B3GAT2: variants seen among roughly 807,000 people sequenced by gnomAD.
B3GAT2 encodes the protein beta-1,3-glucuronyltransferase 2, also known as galactosylgalactosylxylosylprotein 3-beta-glucuronosyltransferase 2.
Under a neutral mutation model 27.8 loss-of-function variants are expected in B3GAT2, and 26 were observed. The ratio of observed to expected loss-of-function variants is 0.93; its 90% confidence interval spans 0.68 to 1.30. The LOEUF (loss-of-function observed/expected upper bound fraction) is 1.30. Among genes scored for constraint, B3GAT2 ranks in the 50% most tolerant of loss-of-function variants. The pLI is 0.00. For missense variants in B3GAT2, 458 were observed against 459.0 expected (o/e 1.00, Z 0.02); for synonymous variants, 218 against 195.1 (o/e 1.12, Z -0.98).
Position 70,860,517 on chromosome 6 carries a change from A to C in B3GAT2, c.*1146T>G, listed in dbSNP as rs1404328269. 11 of 576,698 alleles carry C rather than the reference A, an allele frequency of 1.9e-5. No homozygotes were observed. The highest frequency in any genetic ancestry group is 2.9e-5 in the Non-Finnish European group (11 of 377,910). 35.7% of individuals were successfully genotyped at this position (576,698 alleles called of 1,614,324 possible). On this transcript the variant is annotated 3_prime_UTR_variant, in exon 4 of 4. Coordinates refer to ENST00000230053, the MANE Select transcript of B3GAT2 (RefSeq NM_080742.3). ...ATTTGATGTGGTGAAAAGCAGGTTGATAAATCATTTTATGTCAAGGGCAGC... is the reference window on the plus strand; with the variant it reads ...ATTTGATGTGGTGAAAAGCAGGTTGCTAAATCATTTTATGTCAAGGGCAGC...
intron 1 of B3GAT2, among the ~76,000 whole-genome samples, chr6:70,906,514 A>AT (rs1228328107): frequency 6.6e-6 from 1 of 151,358 alleles, no homozygotes; most frequent in African/African-American, 2.4e-5. Flanking sequence ...CTAATTTTTT[A>AT]TTTTTTGTAG....
intron 1 of B3GAT2, among the ~76,000 whole-genome samples, chr6:70,946,527 C>T (rs1328765684): frequency 1.3e-5 from 2 of 152,042 alleles, no homozygotes; most frequent in Non-Finnish European, 2.9e-5. Flanking sequence ...ACAAGAAGAG[C>T]TAACTATCCT....
chr6:70,941,341 G>C (rs1004950117), intron 1 of B3GAT2, among the ~76,000 whole-genome samples: 1 of 152,076 alleles, frequency 6.6e-6, no homozygotes, highest in Admixed American at 6.6e-5. Flanking sequence ...TTTATTACTT[G>C]CCTAGAGCAC....
chr6:70,956,241 G>A lies in B3GAT2; in HGVS notation c.189C>T (p.Thr63=). Residue 63 remains threonine (T), a synonymous_variant, in exon 1 of 4, where the codon ACC becomes ACT. Transcript: ENST00000230053. ...GCGGCCGAGACTGGTTGCGCTTTTG[G>A]GTCCCGTGAGCCGGGCCGCCCCTGC... ...PLRRGGPAHG[T]QKRNQSRPQP... The A allele has an allele frequency of 6.2e-7, 1 of 1,612,052 alleles. No individual in the cohort carries two copies. The highest frequency in any genetic ancestry group is 8.5e-7 in the Non-Finnish European group (1 of 1,178,968).
rs1347778730 is a variant in B3GAT2 at position 70,858,218 on chromosome 6, A to G, written c.*3445T>C. On this transcript the variant is annotated 3_prime_UTR_variant, in exon 4 of 4. Coordinates refer to ENST00000230053, the MANE Select transcript of B3GAT2 (RefSeq NM_080742.3). ...GCCGCAAGCTCAGCAGCCCCAGTGG[A>G]GCCTCTCACAGGTAGGGGTCATTTA... 6.3e-7 allele frequency: 1 copy of G among 1,578,332 alleles called. No homozygotes were observed. Among genetic ancestry groups the G allele is most frequent in the Non-Finnish European group, 8.6e-7 (1 of 1,158,844 alleles).
At chr6:70,878,650 G>A (rs1772051905) in intron 2 of B3GAT2, among the ~76,000 whole-genome samples, 1 of 148,966 alleles carries the variant, frequency 6.7e-6, no homozygotes, top group Admixed American at 6.7e-5. Flanking sequence ...TATCTTAGGT[G>A]CATTACATAC....
At chr6:70,920,770 A>G (rs1275426698) in intron 1 of B3GAT2, among the ~76,000 whole-genome samples, 3 of 152,198 alleles carry the variant, frequency 2.0e-5, no homozygotes, top group African/African-American at 7.2e-5. Flanking sequence ...GTGGCCAGTA[A>G]CAGTCTTTTG....
At chr6:70,911,611 T>C (rs1169882120) in intron 1 of B3GAT2, among the ~76,000 whole-genome samples, 1 of 152,196 alleles carries the variant, frequency 6.6e-6, no homozygotes, top group Non-Finnish European at 1.5e-5. Context: ...TTGCTCAGGA[T>C]TGATTTGGCT....
At chr6:70,898,750 G>A (rs781206774) in intron 1 of B3GAT2, among the ~76,000 whole-genome samples, 5 of 152,136 alleles carry the variant, frequency 3.3e-5, no homozygotes, top group Non-Finnish European at 5.9e-5. Context: ...GCACACAGCA[G>A]GTATTAAACA....
At chr6:70,926,672 T>G (rs141284049) in intron 1 of B3GAT2, among the ~76,000 whole-genome samples, 105 of 152,308 alleles carry the variant, frequency 6.9e-4, no homozygotes, top group Middle Eastern at 3.4e-3. Context: ...AATATGGGAC[T>G]ATGTGAAAAG....
chr6:70,929,868 A>T (rs1156674481), intron 1 of B3GAT2, among the ~76,000 whole-genome samples: 9 of 152,224 alleles, frequency 5.9e-5, no homozygotes, highest in Non-Finnish European at 1.3e-4. Flanking sequence ...GAACCAAAAA[A>T]GAGCCCACAT....
chr6:70,936,847 A>G (rs1404587966), intron 1 of B3GAT2, among the ~76,000 whole-genome samples: 14 of 152,124 alleles, frequency 9.2e-5, no homozygotes, highest in African/African-American at 2.2e-4. Context: ...AAAAGAACTA[A>G]AGAAGCAAGA....
At chr6:70,877,217 C>T (rs947478537) in intron 2 of B3GAT2, among the ~76,000 whole-genome samples, 18 of 152,140 alleles carry the variant, frequency 1.2e-4, no homozygotes. Flanking sequence ...ATGGGCCCCA[C>T]CGGGGGTGTT....
intron 2 of B3GAT2, among the ~76,000 whole-genome samples, chr6:70,890,444 A>G (rs1582356717): frequency 1.3e-5 from 2 of 152,192 alleles, no homozygotes; most frequent in Non-Finnish European, 2.9e-5. Context: ...GAAGACCTGT[A>G]TGCTCCCAGC....
intron 1 of B3GAT2, among the ~76,000 whole-genome samples, chr6:70,943,741 A>C (rs1314823601): frequency 6.6e-6 from 1 of 152,222 alleles, no homozygotes. Flanking sequence ...TCTATAAATC[A>C]GAGATAGTGA....
At chr6:70,867,552 T>C (rs1771870638) in intron 2 of B3GAT2, among the ~76,000 whole-genome samples, 2 of 152,116 alleles carry the variant, frequency 1.3e-5, no homozygotes, top group African/African-American at 4.8e-5. Context: ...TGATAGTAAA[T>C]TTGACAACTT....
In B3GAT2 at chr6:70,955,871, C is replaced by A; in HGVS notation, c.559G>T (p.Asp187Tyr). Residue 187 changes from aspartate (D) to tyrosine (Y), a missense_variant, in exon 1 of 4, where the codon GAC (aspartate) becomes TAC (tyrosine). Asp to Tyr is a radical substitution (Grantham distance 160). Transcript: ENST00000230053. ...AAGAGCTCCAGACTATAGGTGTTGTCGTCGTCAGCGAAGAAGAGCACGCCG... is the reference window on the plus strand; with the variant it reads ...AAGAGCTCCAGACTATAGGTGTTGTAGTCGTCAGCGAAGAAGAGCACGCCG... Reference protein sequence around the residue: ...QPGVLFFADDDNTYSLELFQE... With the variant: ...QPGVLFFADDYNTYSLELFQE... 2 of 1,604,414 alleles carry A rather than the reference C, an allele frequency of 1.2e-6. No homozygotes were observed. Among genetic ancestry groups the A allele is most frequent in the South Asian group, 2.2e-5 (2 of 89,918 alleles).
intron 1 of B3GAT2, among the ~76,000 whole-genome samples, chr6:70,913,316 C>T (rs956463057): frequency 2.6e-5 from 4 of 152,110 alleles, no homozygotes; most frequent in Non-Finnish European, 4.4e-5. Context: ...AAACTTCCCT[C>T]TTAATACTGC....
rs747648039 is a variant in B3GAT2, at chr6:70,860,314, A to T, written c.*1349T>A. ...TGGAAGCTCATCAGGTCAGACTCTC[A>T]GCACACAACTGTGGAAATGAAAACT... is the stretch of plus-strand genomic sequence containing the variant. On this transcript the variant is annotated 3_prime_UTR_variant, in exon 4 of 4. Transcript: ENST00000230053. 6.2e-7 allele frequency: 1 copy of T among 1,610,580 alleles called. No individual in the cohort carries two copies. The highest frequency in any genetic ancestry group is 1.1e-5 in the South Asian group (1 of 90,140).
Sources: allele counts gnomAD v4.1 joint callset (sites outside exome capture counted in the v4.1 genomes callset), GRCh38; gene constraint gnomAD v4.1.1; transcripts MANE v1.5; gene names NCBI Gene and HGNC (gene_info 2026-07-23, HGNC 2026-07-21).